LGI2: variants seen among roughly 807,000 people sequenced by gnomAD.
The protein encoded by LGI2 is leucine-rich repeat LGI family member 2.
A neutral mutation model predicts 52.0 loss-of-function variants in LGI2; 30 were observed. That is an observed-to-expected ratio of 0.58 (90% CI 0.43 to 0.78). The LOEUF (loss-of-function observed/expected upper bound fraction) is 0.78, where lower values mean the gene tolerates loss of function less well. Among genes scored for constraint, LGI2 ranks in the 30% least tolerant of loss-of-function variants. LGI2 has a pLI of 0.00. For missense variants in LGI2, 573 were observed against 692.5 expected (o/e 0.83, Z 1.94); for synonymous variants, 270 against 271.8 (o/e 0.99, Z 0.06).
chr4:25,013,859 A>C (rs938552200), intron 6 of LGI2, among the ~76,000 whole-genome samples: 25 of 152,150 alleles, frequency 1.6e-4, no homozygotes, highest in African/African-American at 6.0e-4. Flanking sequence ...AAATAAACAG[A>C]AAAAAGTGAA....
rs1052068724 is a variant in LGI2, at chr4:25,023,561, A to G, written c.413+1259T>C. Among the ~76,000 whole-genome samples the G allele has an allele frequency of 3.3e-5, 5 of 152,156 alleles. No individual in the cohort carries two copies. The East Asian group carries it at 5.8e-4, about 18-fold the overall frequency. On this transcript the variant is annotated intron_variant, in intron 4 of 7. Coordinates refer to ENST00000382114, the MANE Select transcript of LGI2 (RefSeq NM_018176.4). ...GGCCTATTGACAACCCCCTTTGCCA[A>G]TATCGGGGCTTGATGTGAATGGTTT...
At position 25,024,907 on chromosome 4, in the gene LGI2, G is replaced by A. The variant is rs749584519; in HGVS notation, c.342-16C>T. ...TTCAATGAACCTAAGAGGAAAAGTT[G>A]TATAATTAAAATGAATTTTCTCTCC... On this transcript the variant is annotated splice_polypyrimidine_tract_variant and intron_variant, in intron 3 of 7. Transcript: ENST00000382114. The A allele has an allele frequency of 1.3e-6, 2 of 1,553,202 alleles. No homozygotes were observed. The highest frequency in any genetic ancestry group is 1.7e-6 in the Non-Finnish European group (2 of 1,146,130).
At chr4:25,018,892 A>G (rs1039651874) in intron 5 of LGI2, among the ~76,000 whole-genome samples, 1 of 152,088 alleles carries the variant, frequency 6.6e-6, no homozygotes, top group Non-Finnish European at 1.5e-5. Flanking sequence ...AGTAAGAAGC[A>G]ATGATAGAAG....
intron 4 of LGI2, 40 bp downstream of exon 4, chr4:25,024,780 C>T: frequency 7.2e-7 from 1 of 1,379,446 alleles, no homozygotes. Flanking sequence ...AATCTTACTC[C>T]ACATATTAGA....
chr4:25,005,429 G>C (rs1725366313), intron 7 of LGI2, among the ~76,000 whole-genome samples: 2 of 152,090 alleles, frequency 1.3e-5, no homozygotes, highest in South Asian at 4.1e-4. Flanking sequence ...AACGCACCAA[G>C]GGAATTATCA....
rs779121137 is a variant in LGI2 at position 25,004,215 on chromosome 4, C to T, written c.874G>A (p.Val292Met). 6.2e-7 allele frequency: 1 copy of T among 1,613,998 alleles called. No homozygotes were observed. Among genetic ancestry groups the T allele is most frequent in the African/African-American group, 1.3e-5 (1 of 74,918 alleles). The change falls in exon 8 of 8, where the codon GTG becomes ATG. Residue 292 changes from valine (V) to methionine (M), a missense_variant. Transcript: ENST00000382114. This position sits in a 1 kb window ranked among gnomAD's most constrained non-coding sequence, Gnocchi z 4.6. The stretch of plus-strand genomic sequence containing the variant: ...GAGCCACCGAAGAGCTGGGCTACCA[C>T]CACAAAGACCTGATCATCGATGAGA... ...AILIDDQVFV[V>M]VAQLFGGSHI...
chr4:25,020,900 G>A (rs1263202586), intron 4 of LGI2, among the ~76,000 whole-genome samples: 1 of 152,134 alleles, frequency 6.6e-6, no homozygotes, highest in Non-Finnish European at 1.5e-5. Flanking sequence ...GGCTGAATAT[G>A]TAATCAGACT....
intron 6 of LGI2, among the ~76,000 whole-genome samples, chr4:25,015,095 G>C (rs1725718567): frequency 6.6e-6 from 1 of 152,184 alleles, no homozygotes; most frequent in Admixed American, 6.5e-5. Flanking sequence ...ATTCACACTG[G>C]ATTAAGTTCA....
intron 4 of LGI2, among the ~76,000 whole-genome samples, chr4:25,024,203 G>A (rs1162445037): frequency 2.0e-5 from 3 of 152,170 alleles, no homozygotes; most frequent in Admixed American, 6.5e-5. Flanking sequence ...GTGCCAAGCA[G>A]GTATAAGACC....
rs1483566146 is a variant in LGI2, at chr4:25,004,099, C to T, written c.990G>A (p.Glu330=). The T allele has an allele frequency of 4.3e-6, 7 of 1,614,054 alleles. No homozygotes were observed. The highest frequency in any genetic ancestry group is 3.3e-5 in the Admixed American group (2 of 59,996). The change falls in exon 8 of 8, where the codon GAG becomes GAA. Residue 330 remains glutamate (E), a synonymous_variant. Transcript: ENST00000382114. This position sits in a 1 kb window ranked among gnomAD's most constrained non-coding sequence, Gnocchi z 4.6. ...VSRISKPNDI[E]LFQIDDETFF... The stretch of plus-strand genomic sequence containing the variant: ...ACGTCTCGTCGTCGATCTGAAACAG[C>T]TCGATGTCATTGGGCTTGGAAATGC...
chr4:25,003,654 C>A lies in LGI2; in HGVS notation c.1435G>T (p.Ala479Ser). The A allele has an allele frequency of 6.2e-7, 1 of 1,614,182 alleles. No homozygotes were observed. The highest frequency in any genetic ancestry group is 8.5e-7 in the Non-Finnish European group (1 of 1,180,032). ...GAGAATGTATAGTCACTCCCCAGGG[C>A]CAGGTAGTGATTATCTTTAAAAGAA... is the stretch of plus-strand genomic sequence containing the variant. ...PFSFKDNHYL[A>S]LGSDYTFSQI... The change falls in exon 8 of 8, where the codon GCC becomes TCC. Residue 479 changes from alanine to serine, a missense_variant. By Grantham distance (99) the Ala-to-Ser change is moderately conservative. Coordinates refer to ENST00000382114, the MANE Select transcript of LGI2 (RefSeq NM_018176.4).
At chr4:25,014,341 T>C (rs1725679246) in intron 6 of LGI2, among the ~76,000 whole-genome samples, 3 of 152,222 alleles carry the variant, frequency 2.0e-5, no homozygotes, top group South Asian at 4.1e-4. Context: ...ATCTAGCCTG[T>C]CGTGGCCCTG....
chr4:25,012,276 C>A, intron 7 of LGI2, 59 bp downstream of exon 7: 1 of 1,588,386 alleles, frequency 6.3e-7, no homozygotes, highest in Non-Finnish European at 8.6e-7. Context: ...TTCCTCCTCC[C>A]GCGGGCTTGC....
At chr4:25,012,606 G>A in intron 6 of LGI2, 107 bp from the exon 7 acceptor site, 1 of 1,143,740 alleles carries the variant, frequency 8.7e-7, no homozygotes, top group Non-Finnish European at 1.3e-6. Flanking sequence ...GGACTGGGGA[G>A]GAGGAGGAGG....
intron 6 of LGI2, among the ~76,000 whole-genome samples, chr4:25,012,993 C>T (rs2109412812): frequency 6.6e-6 from 1 of 152,282 alleles, no homozygotes; most frequent in East Asian, 1.9e-4. Flanking sequence ...ACTTACCTGA[C>T]CCTTTATCTC....
downstream of LGI2, among the ~76,000 whole-genome samples, chr4:24,994,577 G>C (rs1167123633): frequency 1.3e-5 from 2 of 152,106 alleles, no homozygotes; most frequent in Non-Finnish European, 2.9e-5. Flanking sequence ...TGGTCTGCCT[G>C]CCAAGTGCAA....
chr4:25,026,328 G>A (rs1487021513), intron 3 of LGI2, among the ~76,000 whole-genome samples: 2 of 151,078 alleles, frequency 1.3e-5, no homozygotes, highest in Admixed American at 6.6e-5. Context: ...CATTGCGAGG[G>A]GAGAAATCTG....
chr4:25,003,523 A>G lies in LGI2; in HGVS notation c.1566T>C (p.Asp522=), dbSNP rs765037958. The change falls in exon 8 of 8, where the codon GAT becomes GAC. Residue 522 remains aspartate, a synonymous_variant. Coordinates refer to ENST00000382114, the MANE Select transcript of LGI2 (RefSeq NM_018176.4). The part of the protein sequence containing the change: ...SFTAVSTDRR[D]FFFASSFKGK... ...CTTTGAAACTGGATGCAAAAAAGAA[A>G]TCTCTCCTGTCGGTGGAGACAGCTG... 8.2e-5 allele frequency: 132 copies of G among 1,607,804 alleles called. No individual in the cohort carries two copies. The Admixed American group carries it at 2.2e-3, about 27-fold the overall frequency.
rs374590337 is a variant in LGI2, at chr4:25,003,769, G to A, written c.1320C>T (p.Ile440=). 6.2e-6 allele frequency: 10 copies of A among 1,614,166 alleles called. No homozygotes were observed. The highest frequency in any genetic ancestry group is 2.2e-5 in the East Asian group (1 of 44,876). The change falls in exon 8 of 8, where the codon ATC becomes ATT. Residue 440 remains isoleucine, a synonymous_variant. Coordinates refer to ENST00000382114, the MANE Select transcript of LGI2 (RefSeq NM_018176.4). Reference sequence around the variant, plus strand: ...TCCACCTCATGACCCGGGAGTCCCCGATGAAGCGGGTAAGGGAAAGGTAGA... The same window carrying A: ...TCCACCTCATGACCCGGGAGTCCCCAATGAAGCGGGTAAGGGAAAGGTAGA... The part of the protein sequence containing the change: ...NTLYLSLTRF[I]GDSRVMRWNS...
Sources: gnomAD v4.1 joint callset for allele counts (sites outside exome capture counted in the v4.1 genomes callset) on GRCh38, gnomAD v4.1.1 for gene constraint, Gnocchi (gnomAD v3.1) non-coding constraint, MANE v1.5 for transcripts, NCBI Gene and HGNC (gene_info 2026-07-23, HGNC 2026-07-21) for gene names.